The following SIPA1L1 variants were observed in gnomAD, a reference collection of about 807,000 sequenced individuals.
SIPA1L1 encodes the protein signal-induced proliferation-associated 1-like protein 1.
Under a neutral mutation model 162.7 loss-of-function variants are expected in SIPA1L1, and 26 were observed. The ratio of observed to expected loss-of-function variants is 0.16; its 90% confidence interval spans 0.12 to 0.22. The LOEUF (loss-of-function observed/expected upper bound fraction) is 0.22, where lower values mean the gene tolerates loss of function less well. Ranked by LOEUF, SIPA1L1 falls within the 10% of genes least tolerant of loss-of-function variation. SIPA1L1 has a pLI of 1.00. For missense variants in SIPA1L1, 1,874 were observed against 2,241.0 expected, an observed-to-expected ratio of 0.84 and a Z score of 3.31; for synonymous variants, 829 against 837.4, an observed-to-expected ratio of 0.99 and a Z score of 0.17.
At chr14:71,385,248 C>T (rs1463523323) in intron 2 of SIPA1L1, among the ~76,000 whole-genome samples, 3 of 152,126 alleles carry the variant, frequency 2.0e-5, no homozygotes, top group Non-Finnish European at 4.4e-5. Flanking sequence ...TGGTCAAGGT[C>T]ATAACTCACA....
At chr14:71,606,032 CTCTGCCTCCTTGATGGCACAT>C (rs1296024288) in intron 5 of SIPA1L1, among the ~76,000 whole-genome samples, 1 of 152,122 alleles carries the variant, frequency 6.6e-6, no homozygotes, top group Non-Finnish European at 1.5e-5. Flanking sequence ...AAAGCTTGAC[CTCTGCCTCCTTGATGGCACAT>C]GAAACACTGG....
chr14:71,394,199 G>A (rs960750004), intron 2 of SIPA1L1, among the ~76,000 whole-genome samples: 8 of 152,116 alleles, frequency 5.3e-5, no homozygotes, highest in Admixed American at 5.2e-4. Flanking sequence ...GTTCTACTGG[G>A]CACTCATCCT....
intron 7 of SIPA1L1, among the ~76,000 whole-genome samples, chr14:71,640,926 A>G (rs963580081): frequency 6.6e-6 from 1 of 152,186 alleles, no homozygotes; most frequent in Non-Finnish European, 1.5e-5. Flanking sequence ...CACCCAGCCT[A>G]TATTGAAACT....
chr14:71,480,792 A>G (rs769408990), intron 2 of SIPA1L1, among the ~76,000 whole-genome samples: 9 of 152,118 alleles, frequency 5.9e-5, no homozygotes, highest in Non-Finnish European at 1.2e-4. Context: ...CAAAAAAACA[A>G]AGGTCATTTT....
At chr14:71,591,235 T>G (rs1380818599) in intron 5 of SIPA1L1, among the ~76,000 whole-genome samples, 1 of 152,170 alleles carries the variant, frequency 6.6e-6, no homozygotes, top group Non-Finnish European at 1.5e-5. Context: ...ATGCCACATT[T>G]TCTCATTTCA....
chr14:71,684,670 G>A (rs951805669), intron 12 of SIPA1L1, among the ~76,000 whole-genome samples: 5 of 147,022 alleles, frequency 3.4e-5, no homozygotes, highest in African/African-American at 1.3e-4. Flanking sequence ...CTCGTACACC[G>A]TTTCAGAGCC....
At chr14:71,624,364 T>C (rs560582659) in intron 7 of SIPA1L1, 128 bp downstream of exon 7, 1 of 751,720 alleles carries the variant, frequency 1.3e-6, no homozygotes, top group Non-Finnish European at 2.0e-6. Context: ...ACACTCTCTT[T>C]GCAATTACTC....
At chr14:71,344,431 A>G (rs2035951663) in intron 2 of SIPA1L1, among the ~76,000 whole-genome samples, 1 of 152,226 alleles carries the variant, frequency 6.6e-6, no homozygotes, top group Non-Finnish European at 1.5e-5. Context: ...AGCTTTTAGT[A>G]TGTCACTTGT....
At chr14:71,617,328 G>A (rs2038948953) in intron 5 of SIPA1L1, among the ~76,000 whole-genome samples, 1 of 152,202 alleles carries the variant, frequency 6.6e-6, no homozygotes, top group Admixed American at 6.5e-5. Flanking sequence ...AGACAACCAA[G>A]CTTATTAGAA....
intron 5 of SIPA1L1, among the ~76,000 whole-genome samples, chr14:71,591,836 ATTT>A (rs1054291982): frequency 5.9e-5 from 9 of 152,104 alleles, no homozygotes. Flanking sequence ...ATTTTTTCTC[ATTT>A]TTTCATAGCT....
chr14:71,699,715 T>G (rs2081938676), intron 14 of SIPA1L1, among the ~76,000 whole-genome samples: 1 of 152,182 alleles, frequency 6.6e-6, no homozygotes, highest in African/African-American at 2.4e-5. Flanking sequence ...CCAGGACTCT[T>G]AGATTAGGGA....
At chr14:71,734,228 C>T (rs542075841) in intron 21 of SIPA1L1, among the ~76,000 whole-genome samples, 28 of 152,384 alleles carry the variant, frequency 1.8e-4, no homozygotes, top group African/African-American at 6.7e-4. Flanking sequence ...CTTTGCCGTT[C>T]TCCCTCATCT....
intron 4 of SIPA1L1, among the ~76,000 whole-genome samples, chr14:71,587,309 C>T (rs1213154008): frequency 6.6e-6 from 1 of 151,858 alleles, no homozygotes; most frequent in African/African-American, 2.4e-5. Flanking sequence ...TACCCCTCCC[C>T]CTGCCCCCCA....
At chr14:71,655,941 T>C (rs1328802124) in intron 8 of SIPA1L1, among the ~76,000 whole-genome samples, 1 of 152,198 alleles carries the variant, frequency 6.6e-6, no homozygotes, top group Non-Finnish European at 1.5e-5. Flanking sequence ...CTGTTAATTA[T>C]TTCTTTATAG....
At position 71,527,327 on chromosome 14, in the gene SIPA1L1, A is replaced by G. The variant is rs1334546322; in HGVS notation, c.-361-1985A>G. Among the ~76,000 whole-genome samples, 7 of 151,094 alleles carry G rather than the reference A, an allele frequency of 4.6e-5. No individual in the cohort carries two copies. The East Asian group carries it at 9.7e-4, about 21-fold the overall frequency. On this transcript the variant is annotated intron_variant, in intron 3 of 23. Coordinates refer to ENST00000381232, the MANE Select transcript of SIPA1L1 (RefSeq NM_001386936.1). Reference sequence around the variant, plus strand: ...CATGCCTAGCTAATTTTTTATTTTTATTTATTTTTATTTTTTAAACCAAGG... The same window carrying G: ...CATGCCTAGCTAATTTTTTATTTTTGTTTATTTTTATTTTTTAAACCAAGG...
intron 2 of SIPA1L1, among the ~76,000 whole-genome samples, chr14:71,433,002 AGT>A (rs2044111783): frequency 6.6e-6 from 1 of 152,174 alleles, no homozygotes; most frequent in Non-Finnish European, 1.5e-5. Flanking sequence ...TTTTGCTTAG[AGT>A]GTGAATGGAA....
At chr14:71,651,631 C>A (rs989675705) in intron 8 of SIPA1L1, among the ~76,000 whole-genome samples, 1 of 152,078 alleles carries the variant, frequency 6.6e-6, no homozygotes, top group Non-Finnish European at 1.5e-5. Context: ...TTCATGTTGC[C>A]CCCATTTGTT....
At position 71,671,268 on chromosome 14, in the gene SIPA1L1, G is replaced by A. The variant is rs1161998652; in HGVS notation, c.2405G>A (p.Arg802Gln). Reference sequence around the variant, plus strand: ...GCTGCTCATAAATCGGAGAAGTTTCGGGCCATGGCAACTCGGACCCGCCAG... The same window carrying A: ...GCTGCTCATAAATCGGAGAAGTTTCAGGCCATGGCAACTCGGACCCGCCAG... Reference protein sequence around the residue: ...ENAAHKSEKFRAMATRTRQEY... With the variant: ...ENAAHKSEKFQAMATRTRQEY... Residue 802 changes from arginine to glutamine, a missense_variant, in exon 11 of 24, where the codon CGG becomes CAG. Arg to Gln is a conservative substitution (Grantham distance 43, BLOSUM62 1). Around this residue, in one of 5 missense-constraint regions of SIPA1L1, gnomAD observed 243 missense variants for 315.0 expected, o/e 0.77. Coordinates refer to ENST00000381232, the MANE Select transcript of SIPA1L1 (RefSeq NM_001386936.1). The A allele has an allele frequency of 3.7e-6, 6 of 1,614,106 alleles. No individual in the cohort carries two copies. The highest frequency in any genetic ancestry group is 4.5e-5 in the East Asian group (2 of 44,878).
intron 17 of SIPA1L1, among the ~76,000 whole-genome samples, chr14:71,719,135 C>T (rs1459380980): frequency 6.6e-6 from 1 of 151,778 alleles, no homozygotes; most frequent in Non-Finnish European, 1.5e-5. Context: ...AAACAGGGTT[C>T]GCCATATTGC....
Sources: allele counts gnomAD v4.1 joint callset (sites outside exome capture counted in the v4.1 genomes callset), GRCh38; gene constraint gnomAD v4.1.1; regional missense constraint gnomAD v4.1.1; transcripts MANE v1.5; gene names NCBI Gene and HGNC (gene_info 2026-07-23, HGNC 2026-07-21).